Variants in FAM217A observed in about 807,000 individuals in gnomAD.
The protein encoded by FAM217A is family with sequence similarity 217 member A, also known as protein FAM217A.
A neutral mutation model predicts 18.5 loss-of-function variants in FAM217A; 13 were observed. That is an observed-to-expected ratio of 0.70 (90% CI 0.46 to 1.12). The LOEUF (loss-of-function observed/expected upper bound fraction) is 1.12, where lower values mean the gene tolerates loss of function less well. Among genes scored for constraint, FAM217A ranks in the 50% most tolerant of loss-of-function variants. The pLI, the probability that FAM217A is intolerant of heterozygous loss-of-function variation, is 0.00. For synonymous variants in FAM217A, 161 were observed against 202.8 expected, an observed-to-expected ratio of 0.79 and a Z score of 1.75; for missense variants, 560 against 575.4, an observed-to-expected ratio of 0.97 and a Z score of 0.27.
chr6:4,085,071 A>G (rs1452079792), intron 1 of FAM217A, among the ~76,000 whole-genome samples: 1 of 152,194 alleles, frequency 6.6e-6, no homozygotes, highest in African/African-American at 2.4e-5. Flanking sequence ...AGAATTGGAA[A>G]TCAGAGGAAT....
chr6:4,069,823 C>T lies in FAM217A; in HGVS notation c.400G>A (p.Asp134Asn). 1 of 1,614,126 alleles carries T rather than the reference C, an allele frequency of 6.2e-7. No homozygotes were observed. The change falls in exon 7 of 7, where the codon GAT (aspartate) becomes AAT (asparagine). Residue 134 changes from aspartate to asparagine, a missense_variant. Coordinates refer to ENST00000274673, the MANE Select transcript of FAM217A (RefSeq NM_173563.3). ...CCAGGGTAAGGACCAACTTGCTTATCAACTGAAGCAATTGTTAATGGGTGG... is the reference window on the plus strand; with the variant it reads ...CCAGGGTAAGGACCAACTTGCTTATTAACTGAAGCAATTGTTAATGGGTGG... ...LNHPLTIASV[D>N]KQVGPYPGLP... is the part of the protein sequence containing the mutation.
intron 1 of FAM217A, among the ~76,000 whole-genome samples, chr6:4,086,634 T>G (rs1484219876): frequency 1.3e-5 from 2 of 152,282 alleles, no homozygotes; most frequent in East Asian, 3.9e-4. Flanking sequence ...CATAGCATAC[T>G]AGGCTCACAC....
At chr6:4,073,103 G>A (rs1466723219) in intron 6 of FAM217A, among the ~76,000 whole-genome samples, 172 bp downstream of exon 6, 2 of 152,044 alleles carry the variant, frequency 1.3e-5, no homozygotes, top group Non-Finnish European at 2.9e-5. Flanking sequence ...ATTGTCTCGT[G>A]GTATCTGCAG....
upstream of FAM217A, among the ~76,000 whole-genome samples, chr6:4,079,932 A>G (rs1364413498): frequency 6.6e-6 from 1 of 151,852 alleles, no homozygotes; most frequent in African/African-American, 2.4e-5. Context: ...ATCTCCTATT[A>G]CAGCTTCATG....
upstream of FAM217A, chr6:4,087,109 GTAGGTCTGTGGAGCCTTAAT>G (rs1770718547): frequency 2.0e-5 from 8 of 402,248 alleles, no homozygotes; most frequent in Non-Finnish European, 3.5e-5. Context: ...TTGGGGCCTC[GTAGGTCTGTGGAGCCTTAAT>G]TAGGTACATA....
upstream of FAM217A, among the ~76,000 whole-genome samples, chr6:4,082,559 T>A (rs900596180): frequency 8.5e-5 from 13 of 152,146 alleles, no homozygotes; most frequent in African/African-American, 3.1e-4. Context: ...AAACTGGCCA[T>A]AAAGAAATTA....
rs1769178313 is a variant in FAM217A, at chr6:4,068,583, T to C, written c.*113A>G. 1 of 1,184,704 alleles carries C rather than the reference T, an allele frequency of 8.4e-7. No individual in the cohort carries two copies. Among genetic ancestry groups the C allele is most frequent in the East Asian group, 2.4e-5 (1 of 42,118 alleles). The allele number at this position is 1,184,704 out of a possible 1,614,324, so 73.4% of individuals were successfully genotyped here. ...ACTCCATATCACATCAAGCAACTGT[T>C]TGGTGATTTTGGGGGACTGTTAATA... is the stretch of plus-strand genomic sequence containing the variant. On this transcript the variant is annotated 3_prime_UTR_variant, in exon 7 of 7. Coordinates refer to ENST00000274673, the MANE Select transcript of FAM217A (RefSeq NM_173563.3).
rs1260342328 is a variant in FAM217A at position 4,078,114 on chromosome 6, C to T, written c.-34-666G>A. Among the ~76,000 whole-genome samples, 9 of 138,872 alleles carry T rather than the reference C, an allele frequency of 6.5e-5. No homozygotes were observed. In the South Asian group the frequency reaches 6.8e-4, roughly 10 times the overall value. The allele number at this position is 138,872 out of a possible 152,430, so 91.1% of individuals were successfully genotyped here. A position where few individuals can be genotyped will look rare whatever the true frequency, so the allele number is the denominator to read the frequency against. On this transcript the variant is annotated intron_variant, in intron 1 of 6. Transcript: ENST00000274673. ...TGTTGCCCAGACTGGAGTGCAGTGG[C>T]GCGATCTCGGTTCACTGCAACCTCC... is the stretch of plus-strand genomic sequence containing the variant.
intron 6 of FAM217A, among the ~76,000 whole-genome samples, chr6:4,071,120 C>T (rs903997918): frequency 2.0e-5 from 3 of 152,094 alleles, no homozygotes; most frequent in African/African-American, 7.2e-5. Context: ...TAGACACGTA[C>T]ATGTAGTATG....
intron 6 of FAM217A, among the ~76,000 whole-genome samples, chr6:4,070,808 C>G (rs2113857292): frequency 1.3e-5 from 2 of 152,086 alleles, no homozygotes; most frequent in East Asian, 3.9e-4. Flanking sequence ...ATTCTGAGAC[C>G]AGCCTGAGCA....
At chr6:4,073,717 A>G (rs1769573955) in intron 4 of FAM217A, among the ~76,000 whole-genome samples, 1 of 152,232 alleles carries the variant, frequency 6.6e-6, no homozygotes, top group Non-Finnish European at 1.5e-5. Flanking sequence ...GTTAACTAAT[A>G]AGACTTGAAT....
intron 2 of FAM217A, 45 bp from the exon 3 acceptor site, chr6:4,074,706 A>G (rs1339461235): frequency 7.1e-7 from 1 of 1,401,708 alleles, no homozygotes; most frequent in East Asian, 2.3e-5. Context: ...TTAAGAAAAC[A>G]TAAAAAGCTC....
In FAM217A at chr6:4,068,579, CTGTT is replaced by C. The variant is rs1769177937; in HGVS notation, c.*113_*116del. The C allele has an allele frequency of 4.3e-6, 5 of 1,150,288 alleles. No homozygotes were observed. Among genetic ancestry groups the C allele is most frequent in the East Asian group, 4.8e-5 (2 of 41,832 alleles). The allele number at this position is 1,150,288 out of a possible 1,614,324, so 71.3% of individuals were successfully genotyped here. A position where few individuals can be genotyped will look rare whatever the true frequency, so the allele number is the denominator to read the frequency against. ...TTCTACTCCATATCACATCAAGCAACTGTTTGGTGATTTTGGGGGACTGTTAATA... is the reference window on the plus strand; with the variant it reads ...TTCTACTCCATATCACATCAAGCAACTGGTGATTTTGGGGGACTGTTAATA... On this transcript the variant is annotated 3_prime_UTR_variant, in exon 7 of 7. Coordinates refer to ENST00000274673, the MANE Select transcript of FAM217A (RefSeq NM_173563.3).
At chr6:4,071,982 G>C (rs1425837904) in intron 6 of FAM217A, among the ~76,000 whole-genome samples, 1 of 152,138 alleles carries the variant, frequency 6.6e-6, no homozygotes, top group Non-Finnish European at 1.5e-5. Context: ...CTAGTAACCT[G>C]TGTTTCCAAG....
chr6:4,076,094 C>G (rs552255821), intron 2 of FAM217A, among the ~76,000 whole-genome samples: 6 of 150,834 alleles, frequency 4.0e-5, no homozygotes, highest in African/African-American at 1.5e-4. Flanking sequence ...TTTGGGAGGC[C>G]GAGGCGGGCA....
chr6:4,076,303 T>TGGGTGACA (rs1250162667), intron 2 of FAM217A, among the ~76,000 whole-genome samples: 2 of 140,862 alleles, frequency 1.4e-5, no homozygotes, highest in Non-Finnish European at 3.0e-5. Context: ...CACTCCACCC[T>TGGGTGACA]GGGTGACAGA....
chr6:4,078,627 A>C (rs1194232907), intron 1 of FAM217A, among the ~76,000 whole-genome samples: 2 of 152,190 alleles, frequency 1.3e-5, no homozygotes, highest in African/African-American at 4.8e-5. Flanking sequence ...CCGCACCTGA[A>C]GGACGGCCCT....
upstream of FAM217A, among the ~76,000 whole-genome samples, chr6:4,083,886 A>C (rs1195266221): frequency 6.6e-6 from 1 of 152,188 alleles, no homozygotes; most frequent in Non-Finnish European, 1.5e-5. Context: ...ATAATTATGT[A>C]ACATTTTCTG....
At chr6:4,072,109 G>A (rs1336976044) in intron 6 of FAM217A, among the ~76,000 whole-genome samples, 1 of 152,198 alleles carries the variant, frequency 6.6e-6, no homozygotes, top group Admixed American at 6.5e-5. Flanking sequence ...TTGGGAGGAC[G>A]AGGTGGGTGA....
Sources: gnomAD v4.1 joint callset for allele counts (sites outside exome capture counted in the v4.1 genomes callset) on GRCh38, gnomAD v4.1.1 for gene constraint, MANE v1.5 for transcripts, NCBI Gene and HGNC (gene_info 2026-07-23, HGNC 2026-07-21) for gene names.